USH2A: variants seen among roughly 807,000 people sequenced by gnomAD.
USH2A encodes Usher syndrome 2A (autosomal recessive, mild).
Under a neutral mutation model 538.9 loss-of-function variants are expected in USH2A, and 443 were observed. The observed-to-expected ratio is 0.82, with a 90% CI of 0.76 to 0.89. The LOEUF (loss-of-function observed/expected upper bound fraction) is 0.89. USH2A is among the 40% of genes least tolerant of loss of function. The probability of loss-of-function intolerance (pLI) is 0.00; values close to 1 mark genes in which losing one functional copy is unlikely to be tolerated. For synonymous variants in USH2A, 2,413 were observed against 2,273.5 expected, an observed-to-expected ratio of 1.06 and a Z score of -1.75; for missense variants, 6,633 against 6,324.8, an observed-to-expected ratio of 1.05 and a Z score of -1.65.
chr1:215,782,189 A>C lies in USH2A; in HGVS notation c.10593T>G (p.Ile3531Met), dbSNP rs1163620651. The change falls in exon 54 of 72, where the codon ATT becomes ATG. Residue 3531 changes from isoleucine (I) to methionine (M), a missense_variant. Ile to Met is a conservative substitution (Grantham distance 10). Coordinates refer to ENST00000307340, the MANE Select transcript of USH2A (RefSeq NM_206933.4). ...WRKPIQSNGP[I>M]IYYILLRNGI... ...CATTTCGAAGAAGGATGTAGTAAAT[A>C]ATAGGACCTAAAAGAAGCAGAAAAA... The C allele has an allele frequency of 6.2e-7, 1 of 1,613,836 alleles. No homozygotes were observed. The highest frequency in any genetic ancestry group is 1.7e-5 in the Admixed American group (1 of 60,006).
chr1:216,403,546 A>G (rs1341937298), intron 3 of USH2A, among the ~76,000 whole-genome samples: 2 of 152,184 alleles, frequency 1.3e-5, no homozygotes, highest in East Asian at 3.8e-4. Context: ...GAATTTCCAG[A>G]ACTACTATAA....
At chr1:216,247,909 C>T (rs536088512) in intron 12 of USH2A, among the ~76,000 whole-genome samples, 1 of 151,910 alleles carries the variant, frequency 6.6e-6, no homozygotes, top group South Asian at 2.1e-4. Context: ...TTAATTATAC[C>T]TTCGTGAAGC....
At chr1:216,321,843 T>C (rs1181530452) in intron 9 of USH2A, 40 bp downstream of exon 9, 1 of 1,530,968 alleles carries the variant, frequency 6.5e-7, no homozygotes, top group South Asian at 1.1e-5. Context: ...CCATCTCTAC[T>C]ATTTTTTTTT....
intron 11 of USH2A, among the ~76,000 whole-genome samples, chr1:216,287,360 A>G (rs2036905758): frequency 6.6e-6 from 1 of 152,208 alleles, no homozygotes; most frequent in Admixed American, 6.5e-5. Flanking sequence ...ACAGTCTTTC[A>G]TAATTCCATC....
intron 32 of USH2A, among the ~76,000 whole-genome samples, chr1:216,024,114 A>G (rs1668908345): frequency 6.6e-6 from 1 of 152,128 alleles, no homozygotes; most frequent in Admixed American, 6.6e-5. Context: ...GAACCATTGC[A>G]AAAGCAGGCA....
chr1:216,111,043 T>C (rs1040060004), intron 21 of USH2A, among the ~76,000 whole-genome samples: 1 of 152,130 alleles, frequency 6.6e-6, no homozygotes, highest in Non-Finnish European at 1.5e-5. Flanking sequence ...CTAGCCAACA[T>C]GGTGAAACCC....
chr1:216,282,845 G>A (rs1256215443), intron 11 of USH2A, among the ~76,000 whole-genome samples: 1 of 152,098 alleles, frequency 6.6e-6, no homozygotes, highest in East Asian at 1.9e-4. Context: ...TCTGATACAT[G>A]AGCATTGGGT....
intron 67 of USH2A, among the ~76,000 whole-genome samples, chr1:215,643,695 A>T (rs1571926053): frequency 6.7e-6 from 1 of 149,642 alleles, no homozygotes; most frequent in East Asian, 2.0e-4. Flanking sequence ...CTGGCTATTT[A>T]AAAAAAAAAT....
chr1:215,811,300 G>A (rs1291114215), intron 49 of USH2A, among the ~76,000 whole-genome samples: 1 of 152,202 alleles, frequency 6.6e-6, no homozygotes, highest in Non-Finnish European at 1.5e-5. Flanking sequence ...AGGTGTTCAT[G>A]GCACCAGAGG....
At chr1:216,195,336 T>A (rs1286678418) in intron 19 of USH2A, among the ~76,000 whole-genome samples, 22 of 152,098 alleles carry the variant, frequency 1.4e-4, no homozygotes, top group Admixed American at 1.4e-3. Flanking sequence ...CCTCAGCTCA[T>A]ACCTATGACC....
intron 4 of USH2A, among the ~76,000 whole-genome samples, chr1:216,355,308 A>AAAG (rs2038364391): frequency 8.3e-5 from 1 of 11,980 alleles, no homozygotes; most frequent in African/African-American, 1.7e-4. Context: ...TCTGCTTCAA[A>AAAG]AAGAAAGAAA....
chr1:216,104,999 G>C (rs1002803381), intron 21 of USH2A, among the ~76,000 whole-genome samples: 1 of 152,118 alleles, frequency 6.6e-6, no homozygotes, highest in African/African-American at 2.4e-5. Context: ...AGTGGGCGAA[G>C]GATATGAACA....
chr1:216,078,778 G>C (rs2102555011), intron 26 of USH2A, among the ~76,000 whole-genome samples: 1 of 152,026 alleles, frequency 6.6e-6, no homozygotes, highest in African/African-American at 2.4e-5. Context: ...TTTAATTTGG[G>C]GGAAAATATG....
At chr1:216,188,293 T>G (rs1399068565) in intron 20 of USH2A, among the ~76,000 whole-genome samples, 5 of 151,890 alleles carry the variant, frequency 3.3e-5, no homozygotes, top group Non-Finnish European at 7.4e-5. Context: ...TGTTTCCTGC[T>G]CTTCTATTCC....
At chr1:215,871,253 G>A (rs1664619010) in intron 43 of USH2A, among the ~76,000 whole-genome samples, 1 of 152,128 alleles carries the variant, frequency 6.6e-6, no homozygotes, top group Admixed American at 6.5e-5. Context: ...AATAATATGT[G>A]TTAAAATCTT....
At chr1:216,315,115 A>G (rs1246248115) in intron 9 of USH2A, among the ~76,000 whole-genome samples, 1 of 152,224 alleles carries the variant, frequency 6.6e-6, no homozygotes, top group African/African-American at 2.4e-5. Flanking sequence ...TAAGAAAAAG[A>G]AGTAATAAAT....
At chr1:216,074,396 G>A (rs572961906) in intron 27 of USH2A, among the ~76,000 whole-genome samples, 3 of 151,930 alleles carry the variant, frequency 2.0e-5, no homozygotes, top group Admixed American at 2.0e-4. Flanking sequence ...CACATGATCA[G>A]CTCTTTTCAA....
intron 3 of USH2A, among the ~76,000 whole-genome samples, chr1:216,374,882 AT>A (rs1203053030): frequency 6.6e-6 from 1 of 152,066 alleles, no homozygotes; most frequent in Non-Finnish European, 1.5e-5. Context: ...GGAATCAGCC[AT>A]TTCTCCAAGG....
Position 215,711,927 on chromosome 1 carries a change from C to A in USH2A, c.12066+16103G>T, listed in dbSNP as rs1275698564. 2.0e-5 allele frequency among the ~76,000 whole-genome samples: 3 copies of A among 152,144 alleles called. No homozygotes were observed. In the East Asian group the frequency reaches 5.8e-4, roughly 29 times the overall value. Reference sequence around the variant, plus strand: ...TAAAGTGATTTATTTCTAACAGATGCGATCACCCAGCCACAGGGACCTGGA... The same window carrying A: ...TAAAGTGATTTATTTCTAACAGATGAGATCACCCAGCCACAGGGACCTGGA... On this transcript the variant is annotated intron_variant, in intron 61 of 71. Coordinates refer to ENST00000307340, the MANE Select transcript of USH2A (RefSeq NM_206933.4).
Sources: gnomAD v4.1 joint callset for allele counts (sites outside exome capture counted in the v4.1 genomes callset) on GRCh38, gnomAD v4.1.1 for gene constraint, MANE v1.5 for transcripts, NCBI Gene and HGNC (gene_info 2026-07-23, HGNC 2026-07-21) for gene names.